PDS5B: variants seen among roughly 807,000 people sequenced by gnomAD.
PDS5B encodes the protein PDS5 cohesin associated factor B, also known as sister chromatid cohesion protein PDS5 homolog B.
Under a neutral mutation model 184.1 loss-of-function variants are expected in PDS5B, and 51 were observed. The ratio of observed to expected loss-of-function variants is 0.28; its 90% CI spans 0.22 to 0.35. The LOEUF (loss-of-function observed/expected upper bound fraction) is 0.35, where lower values mean the gene tolerates loss of function less well. Ranked by LOEUF, PDS5B falls within the 10% of genes least tolerant of loss-of-function variation. The pLI, the probability that PDS5B is intolerant of heterozygous loss-of-function variation, is 1.00. For synonymous variants in PDS5B, 566 were observed against 569.2 expected (o/e 0.99, Z 0.08); for missense variants, 1,180 against 1,723.3 (o/e 0.68, Z 5.58).
In PDS5B at chr13:32,732,207, T is replaced by C; in HGVS notation, c.2230T>C (p.Phe744Leu). 6.2e-7 allele frequency: 1 copy of C among 1,607,334 alleles called. No homozygotes were observed. Among genetic ancestry groups the C allele is most frequent in the Non-Finnish European group, 8.5e-7 (1 of 1,176,116 alleles). ...HAIFSSKETQFAQIFEPLHKS... is the reference protein window; with the variant it reads ...HAIFSSKETQLAQIFEPLHKS... ...GATATTTTCTAGTAAAGAGACCCAG[T>C]TTGCACAGATATTTGAGGTAATGAG... The change falls in exon 20 of 35, where the codon TTT (phenylalanine) becomes CTT (leucine). Residue 744 changes from phenylalanine to leucine, a missense_variant. Physicochemically the swap from Phe to Leu is conservative, Grantham distance 22. This residue lies in a region of PDS5B where 475 missense variants were observed against 691.5 expected (regional missense o/e 0.69). Coordinates refer to ENST00000315596, the MANE Select transcript of PDS5B (RefSeq NM_015032.4).
In PDS5B at chr13:32,742,658, C is replaced by T. The variant is rs754928363; in HGVS notation, c.2543C>T (p.Thr848Ile). 1 of 1,611,078 alleles carries T rather than the reference C, an allele frequency of 6.2e-7. No homozygotes were observed. Among genetic ancestry groups the T allele is most frequent in the Non-Finnish European group, 8.5e-7 (1 of 1,177,584 alleles). The change falls in exon 23 of 35, where the codon ACT becomes ATT. Residue 848 changes from threonine to isoleucine, a missense_variant. Coordinates refer to ENST00000315596, the MANE Select transcript of PDS5B (RefSeq NM_015032.4). ...GMKNNHSKSG[T>I]STLRLLTTIL... The stretch of plus-strand genomic sequence containing the variant: ...AAAAATAATCACAGTAAATCAGGAA[C>T]TTCTACCTTAAGATTGCTAACAACA...
At chr13:32,703,237 A>T (rs1255989681) in intron 17 of PDS5B, among the ~76,000 whole-genome samples, 1 of 152,226 alleles carries the variant, frequency 6.6e-6, no homozygotes, top group Admixed American at 6.5e-5. Context: ...TAAAAAGATC[A>T]TAGACAGAAC....
intron 15 of PDS5B, among the ~76,000 whole-genome samples, chr13:32,697,994 CT>C (rs1566342130): frequency 6.6e-6 from 1 of 152,058 alleles, no homozygotes; most frequent in Non-Finnish European, 1.5e-5. Flanking sequence ...GGCCTATCAC[CT>C]TTTTATAGTT....
chr13:32,734,953 G>A (rs914492251), intron 20 of PDS5B, among the ~76,000 whole-genome samples: 3 of 152,130 alleles, frequency 2.0e-5, no homozygotes, highest in African/African-American at 7.2e-5. Context: ...GAAAATGTTT[G>A]AACCTGATGC....
Position 32,745,959 on chromosome 13 carries a change from A to G in PDS5B, c.2613-18A>G. On this transcript the variant is annotated intron_variant, in intron 23 of 34. Coordinates refer to ENST00000315596, the MANE Select transcript of PDS5B (RefSeq NM_015032.4). ...ATATTTTAAATGCTAATCTATATTC[A>G]TTCTACTCATTTTTCAGTAAACCAG... 2 of 1,590,986 alleles carry G rather than the reference A, an allele frequency of 1.3e-6. No individual in the cohort carries two copies. The highest frequency in any genetic ancestry group is 1.7e-6 in the Non-Finnish European group (2 of 1,159,848).
chr13:32,678,602 G>C (rs78454678), intron 9 of PDS5B, among the ~76,000 whole-genome samples: 132 of 152,202 alleles, frequency 8.7e-4, no homozygotes, highest in African/African-American at 3.0e-3. Flanking sequence ...GTTTATTCAG[G>C]TTCCTTAAAA....
At chr13:32,698,244 T>A (rs1036016354) in intron 15 of PDS5B, among the ~76,000 whole-genome samples, 4 of 152,176 alleles carry the variant, frequency 2.6e-5, no homozygotes, top group African/African-American at 9.7e-5. Context: ...TTTTGCTTTT[T>A]TTTTCTGAAA....
chr13:32,735,202 C>G lies in PDS5B; in HGVS notation c.2278C>G (p.Leu760Val), dbSNP rs777243341. Reference sequence around the variant, plus strand: ...GCATAAGAGCCTAGATCCAAGCAACCTGGAACATCTCATAACACCATTGGT... The same window carrying G: ...GCATAAGAGCCTAGATCCAAGCAACGTGGAACATCTCATAACACCATTGGT... ...PLHKSLDPSN[L>V]EHLITPLVTI... Residue 760 changes from leucine to valine, a missense_variant, in exon 21 of 35, where the codon CTG (leucine) becomes GTG (valine). By Grantham distance (32) the Leu-to-Val change is conservative (BLOSUM62 1). Transcript: ENST00000315596. The G allele has an allele frequency of 1.9e-6, 3 of 1,607,382 alleles. No homozygotes were observed.
At chr13:32,752,752 C>G (rs1954031523) in intron 24 of PDS5B, among the ~76,000 whole-genome samples, 1 of 152,072 alleles carries the variant, frequency 6.6e-6, no homozygotes, top group South Asian at 2.1e-4. Flanking sequence ...AATAATCAGC[C>G]TGGTTTAAGT....
intron 1 of PDS5B, among the ~76,000 whole-genome samples, chr13:32,635,341 CTTTTTTTT>C (rs576811097): frequency 9.6e-6 from 1 of 103,810 alleles, no homozygotes; most frequent in African/African-American, 3.9e-5. Context: ...CCTGGCCTGT[CTTTTTTTT>C]TTTTTTTTTT....
chr13:32,750,055 CTTAT>C (rs906233109), intron 24 of PDS5B, among the ~76,000 whole-genome samples: 8 of 152,186 alleles, frequency 5.3e-5, no homozygotes, highest in East Asian at 1.9e-4. Flanking sequence ...GCTTTTTATA[CTTAT>C]TTATTCACAT....
At chr13:32,660,983 A>G (rs1950627324) in intron 6 of PDS5B, among the ~76,000 whole-genome samples, 1 of 152,198 alleles carries the variant, frequency 6.6e-6, no homozygotes, top group African/African-American at 2.4e-5. Flanking sequence ...CATTCTGACA[A>G]AATTTTTAAA....
At chr13:32,669,350 TAAGAA>T (rs924412955) in intron 7 of PDS5B, among the ~76,000 whole-genome samples, 5 of 151,430 alleles carry the variant, frequency 3.3e-5, no homozygotes, top group East Asian at 1.9e-4. Flanking sequence ...GGCATAAAAA[TAAGAA>T]AAGAACGCTA....
chr13:32,586,997 C>CCGCCGT (rs1163530732), intron 1 of PDS5B, among the ~76,000 whole-genome samples: 2 of 141,594 alleles, frequency 1.4e-5, no homozygotes, highest in Non-Finnish European at 1.5e-5. Flanking sequence ...CCTCCCGCCG[C>CCGCCGT]CGCCGTCGCC....
intron 19 of PDS5B, among the ~76,000 whole-genome samples, chr13:32,712,770 G>A (rs926656471): frequency 1.3e-5 from 2 of 152,342 alleles, no homozygotes; most frequent in Admixed American, 6.5e-5. Context: ...TAGGACTAAA[G>A]GAGAGGCTTT....
intron 3 of PDS5B, among the ~76,000 whole-genome samples, chr13:32,656,612 TA>T (rs1431669045): frequency 6.7e-6 from 1 of 149,106 alleles, no homozygotes; most frequent in Non-Finnish European, 1.5e-5. Context: ...TTTTTTTTTT[TA>T]AAAGACAAAG....
intron 30 of PDS5B, among the ~76,000 whole-genome samples, chr13:32,762,658 TTG>T (rs1415530329): frequency 3.9e-5 from 6 of 152,134 alleles, no homozygotes; most frequent in African/African-American, 1.4e-4. Flanking sequence ...AGCCTCGAAA[TTG>T]TGTTTGACTC....
intron 15 of PDS5B, 99 bp from the exon 16 acceptor site, chr13:32,699,630 TA>T: frequency 1.7e-6 from 1 of 592,590 alleles, no homozygotes; most frequent in African/African-American, 1.9e-5. Flanking sequence ...AATTTGTACG[TA>T]AGGATTTTAA....
chr13:32,767,109 T>A (rs750726957), intron 31 of PDS5B, among the ~76,000 whole-genome samples: 2 of 152,108 alleles, frequency 1.3e-5, no homozygotes, highest in Non-Finnish European at 2.9e-5. Context: ...TTACCAAATC[T>A]TTTACTATGA....
Sources: allele counts gnomAD v4.1 joint callset (sites outside exome capture counted in the v4.1 genomes callset), GRCh38; gene constraint gnomAD v4.1.1; regional missense constraint gnomAD v4.1.1; transcripts MANE v1.5; gene names NCBI Gene and HGNC (gene_info 2026-07-23, HGNC 2026-07-21).